Variants in BAIAP2L1 observed in about 807,000 individuals in gnomAD.
The protein encoded by BAIAP2L1 is BAR/IMD domain containing adaptor protein 2 like 1.
BAIAP2L1 carries 35 observed loss-of-function variants against 66.3 expected under a neutral mutation model. The ratio of observed to expected loss-of-function variants is 0.53; its 90% CI spans 0.40 to 0.70. The LOEUF is 0.70. Ranked by LOEUF, BAIAP2L1 falls within the 30% of genes least tolerant of loss-of-function variation. The pLI is 0.00. For synonymous variants in BAIAP2L1, 269 were observed against 248.7 expected, an observed-to-expected ratio of 1.08 and a Z score of -0.77; for missense variants, 622 against 656.9, an observed-to-expected ratio of 0.95 and a Z score of 0.58.
At chr7:98,317,379 T>G in intron 5 of BAIAP2L1, 23 bp from the exon 6 acceptor site, 1 of 1,611,154 alleles carries the variant, frequency 6.2e-7, no homozygotes, top group Non-Finnish European at 8.5e-7. Flanking sequence ...TGGCTGTGCT[T>G]ATTTTACTGT....
chr7:98,339,107 A>G (rs889473475), intron 3 of BAIAP2L1, among the ~76,000 whole-genome samples: 2 of 150,832 alleles, frequency 1.3e-5, no homozygotes, highest in Non-Finnish European at 3.0e-5. Context: ...TTGTGTGGGC[A>G]TATGTTTCAT....
At chr7:98,311,807 G>A (rs962022470) in intron 8 of BAIAP2L1, among the ~76,000 whole-genome samples, 2 of 152,110 alleles carry the variant, frequency 1.3e-5, no homozygotes, top group African/African-American at 4.8e-5. Flanking sequence ...TGAGGAGGCT[G>A]AGGCAGGAGA....
At chr7:98,335,676 C>T (rs1387907830) in intron 3 of BAIAP2L1, among the ~76,000 whole-genome samples, 1 of 152,212 alleles carries the variant, frequency 6.6e-6, no homozygotes, top group African/African-American at 2.4e-5. Context: ...CCTTGCCTCA[C>T]CAGAAATTTA....
At chr7:98,386,003 C>T in intron 1 of BAIAP2L1, 1 of 1,415,142 alleles carries the variant, frequency 7.1e-7, no homozygotes, top group Non-Finnish European at 9.9e-7. Flanking sequence ...TTTTCTATGT[C>T]TTTTCCAATG....
At chr7:98,322,647 G>A (rs111801872) in intron 3 of BAIAP2L1, among the ~76,000 whole-genome samples, 94 of 152,168 alleles carry the variant, frequency 6.2e-4, no homozygotes, top group African/African-American at 2.1e-3. Flanking sequence ...CAGAGATGGC[G>A]GAGGATTCTC....
chr7:98,327,946 G>A (rs916300475), intron 3 of BAIAP2L1, among the ~76,000 whole-genome samples: 8 of 151,642 alleles, frequency 5.3e-5, no homozygotes, highest in Non-Finnish European at 1.0e-4. Context: ...CTCAATTTTA[G>A]AAAATGAGAG....
At chr7:98,377,947 T>C (rs891330460) in intron 1 of BAIAP2L1, among the ~76,000 whole-genome samples, 2 of 142,466 alleles carry the variant, frequency 1.4e-5, no homozygotes, top group African/African-American at 5.2e-5. Context: ...GGCCAACACA[T>C]AGTGAAACCC....
At chr7:98,392,324 G>A (rs991838711) in intron 1 of BAIAP2L1, among the ~76,000 whole-genome samples, 1 of 152,054 alleles carries the variant, frequency 6.6e-6, no homozygotes, top group Admixed American at 6.6e-5. Context: ...CAGCCTGGGC[G>A]AACAAGAGTG....
rs919264468 is a variant in BAIAP2L1 at position 98,362,379 on chromosome 7, T to A, written c.105A>T (p.Lys35Asn). 2 of 1,612,588 alleles carry A rather than the reference T, an allele frequency of 1.2e-6. No individual in the cohort carries two copies. The highest frequency in any genetic ancestry group is 1.7e-6 in the Non-Finnish European group (2 of 1,179,148). The change falls in exon 2 of 14, where the codon AAA (lysine) becomes AAT (asparagine). Residue 35 changes from lysine (K) to asparagine (N), a missense_variant. Lys to Asn is a moderately conservative substitution (Grantham distance 94, BLOSUM62 0). Coordinates refer to ENST00000005260, the MANE Select transcript of BAIAP2L1 (RefSeq NM_018842.5). ...TACCGTTTACAGCTTTCTCATAATT[T>A]TTCCCCAGGTTTATTAAATTTCGCA... ...PGLRNLINLG[K>N]NYEKAVNAMI...
intron 1 of BAIAP2L1, among the ~76,000 whole-genome samples, chr7:98,381,987 G>A (rs189244314): frequency 5.3e-5 from 8 of 149,754 alleles, no homozygotes; most frequent in Non-Finnish European, 1.2e-4. Flanking sequence ...GTGCAGTGGC[G>A]ATATCTCGGC....
At chr7:98,386,235 C>G (rs1802887906) in intron 1 of BAIAP2L1, 1 of 1,567,598 alleles carries the variant, frequency 6.4e-7, no homozygotes, top group Non-Finnish European at 8.7e-7. Context: ...CAATCATTGT[C>G]TGCCATTTTT....
intron 1 of BAIAP2L1, chr7:98,386,094 C>G (rs1269811775): frequency 2.1e-5 from 34 of 1,583,142 alleles, no homozygotes; most frequent in Non-Finnish European, 2.7e-5. Context: ...TCATCTTCTT[C>G]CGGATTTGGC....
At chr7:98,311,573 G>A (rs982109159) in intron 8 of BAIAP2L1, among the ~76,000 whole-genome samples, 3 of 151,000 alleles carry the variant, frequency 2.0e-5, no homozygotes, top group African/African-American at 7.3e-5. Context: ...AAACAGTAAG[G>A]ATAAAATTTC....
At chr7:98,339,991 G>A (rs1801703150) in intron 3 of BAIAP2L1, among the ~76,000 whole-genome samples, 1 of 152,174 alleles carries the variant, frequency 6.6e-6, no homozygotes, top group Non-Finnish European at 1.5e-5. Context: ...GTGGCTGACA[G>A]CGTGAGGACA....
At chr7:98,328,140 G>A (rs1479846631) in intron 3 of BAIAP2L1, among the ~76,000 whole-genome samples, 1 of 152,010 alleles carries the variant, frequency 6.6e-6, no homozygotes, top group Non-Finnish European at 1.5e-5. Context: ...AAAGTCAGAA[G>A]CGACTGCTGA....
At chr7:98,341,303 A>G (rs1231638522) in intron 3 of BAIAP2L1, among the ~76,000 whole-genome samples, 1 of 152,204 alleles carries the variant, frequency 6.6e-6, no homozygotes, top group East Asian at 1.9e-4. Flanking sequence ...AGCATGGACC[A>G]TATGATGGTT....
chr7:98,338,285 G>A (rs1356853459), intron 3 of BAIAP2L1, among the ~76,000 whole-genome samples: 3 of 152,240 alleles, frequency 2.0e-5, no homozygotes, highest in East Asian at 3.9e-4. Flanking sequence ...AGCCGGGCGC[G>A]GTGGCGGGCG....
intron 9 of BAIAP2L1, chr7:98,308,593 C>T (rs778465476): frequency 2.1e-4 from 60 of 286,152 alleles, no homozygotes; most frequent in Non-Finnish European, 3.7e-4. Flanking sequence ...CCCATGAGCA[C>T]GAGGCTGTGC....
chr7:98,317,264 G>A lies in BAIAP2L1; in HGVS notation c.441C>T (p.Ser147=). Reference sequence around the variant, plus strand: ...ATTTGAGTGCGTTTCGGCTTCCTTGGCTTTTCCTTCTGATCTTCTTCAACT... The same window carrying A: ...ATTTGAGTGCGTTTCGGCTTCCTTGACTTTTCCTTCTGATCTTCTTCAACT... ...QAELKKIRRK[S]QGSRNALKYE... is the part of the protein sequence containing the mutation. The change falls in exon 6 of 14, where the codon AGC becomes AGT. Residue 147 remains serine, a synonymous_variant. Coordinates refer to ENST00000005260, the MANE Select transcript of BAIAP2L1 (RefSeq NM_018842.5). The A allele has an allele frequency of 6.2e-7, 1 of 1,614,184 alleles. No homozygotes were observed. Among genetic ancestry groups the A allele is most frequent in the Non-Finnish European group, 8.5e-7 (1 of 1,180,040 alleles).
Sources: allele counts gnomAD v4.1 joint callset (sites outside exome capture counted in the v4.1 genomes callset), GRCh38; gene constraint gnomAD v4.1.1; transcripts MANE v1.5; gene names NCBI Gene and HGNC (gene_info 2026-07-23, HGNC 2026-07-21).